Variants in OR5A1 observed in about 807,000 individuals in gnomAD.
OR5A1 encodes olfactory receptor 5A1.
Under a neutral mutation model 6.7 loss-of-function variants are expected in OR5A1, and 6 were observed. The ratio of observed to expected loss-of-function variants is 0.89; its 90% CI spans 0.49 to 1.76. OR5A1 has a LOEUF of 1.76. OR5A1 is among the 40% of genes most tolerant of loss of function. OR5A1 has a pLI of 0.01. For missense variants in OR5A1, 378 were observed against 381.7 expected, an observed-to-expected ratio of 0.99 and a Z score of 0.08; for synonymous variants, 170 against 155.0, an observed-to-expected ratio of 1.10 and a Z score of -0.72.
rs1287188074 is a variant in OR5A1 at position 59,449,897 on chromosome 11, G to T, written c.*5781G>T. The stretch of plus-strand genomic sequence containing the variant: ...AACTGCTATGTTCCAGGTAGGAGCT[G>T]GGGATACAATAGTGACAAAAGAAAT... On this transcript the variant is annotated 3_prime_UTR_variant, in exon 2 of 2. Coordinates refer to ENST00000641045, the MANE Select transcript of OR5A1 (RefSeq NM_001004728.2). The T allele has an allele frequency of 6.6e-6, 1 of 152,112 alleles. No individual in the cohort carries two copies. The highest frequency in any genetic ancestry group is 1.5e-5 in the Non-Finnish European group (1 of 68,020). The allele number at this position is 152,112 out of a possible 1,614,324, so 9.4% of individuals were successfully genotyped here. A position where few individuals can be genotyped will look rare whatever the true frequency, so the allele number is the denominator to read the frequency against.
rs1858592178 is a variant in OR5A1, at chr11:59,449,519, TCCATAAACATTACTAAGCCCCTA to T, written c.*5408_*5430del. ...TAATTTTTCAAAAATTAAAACTCAT[TCCATAAACATTACTAAGCCCCTA>T]CCATGTGTAAAAAAATAATAACTAG... On this transcript the variant is annotated 3_prime_UTR_variant, in exon 2 of 2. Transcript: ENST00000641045. 6.6e-6 allele frequency: 1 copy of T among 152,074 alleles called. No homozygotes were observed. Among genetic ancestry groups the T allele is most frequent in the South Asian group, 2.1e-4 (1 of 4,816 alleles). The allele number at this position is 152,074 out of a possible 1,614,324, so 9.4% of individuals were successfully genotyped here.
chr11:59,442,870 C>T (rs1858495709), intron 1 of OR5A1, among the ~76,000 whole-genome samples: 1 of 152,228 alleles, frequency 6.6e-6, no homozygotes, highest in Non-Finnish European at 1.5e-5. Flanking sequence ...TTAGCTATCT[C>T]ACCCAAAATG....
At position 59,447,574 on chromosome 11, in the gene OR5A1, GAGA is replaced by G. The variant is rs1444217038; in HGVS notation, c.*3461_*3463del. 1 of 152,232 alleles carries G rather than the reference GAGA, an allele frequency of 6.6e-6. No individual in the cohort carries two copies. Among genetic ancestry groups the G allele is most frequent in the Non-Finnish European group, 1.5e-5 (1 of 68,040 alleles). 9.4% of individuals were successfully genotyped at this position (152,232 alleles called of 1,614,324 possible). A position where few individuals can be genotyped will look rare whatever the true frequency, so the allele number is the denominator to read the frequency against. ...ACAAGGGAAATTCAAGAAAGAATATGAGAAGGAGAGATTGTCTGATCCTCACCC... is the reference window on the plus strand; with the variant it reads ...ACAAGGGAAATTCAAGAAAGAATATGAGGAGAGATTGTCTGATCCTCACCC... On this transcript the variant is annotated 3_prime_UTR_variant, in exon 2 of 2. Transcript: ENST00000641045.
chr11:59,444,213 C>A lies in OR5A1; in HGVS notation c.*97C>A. 2 of 802,154 alleles carry A rather than the reference C, an allele frequency of 2.5e-6. No individual in the cohort carries two copies. The highest frequency in any genetic ancestry group is 1.7e-5 in the South Asian group (1 of 59,664). The allele number at this position is 802,154 out of a possible 1,614,324, so 49.7% of individuals were successfully genotyped here. Reference sequence around the variant, plus strand: ...CCTCAGGCAAGGGAGATATTTGGTGCTCTCATTTGTGGAGACTCTTCCCTC... The same window carrying A: ...CCTCAGGCAAGGGAGATATTTGGTGATCTCATTTGTGGAGACTCTTCCCTC... On this transcript the variant is annotated 3_prime_UTR_variant, in exon 2 of 2. Coordinates refer to ENST00000641045, the MANE Select transcript of OR5A1 (RefSeq NM_001004728.2).
rs1256740563 is a variant in OR5A1, at chr11:59,445,847, T to G, written c.*1731T>G. 1 of 152,338 alleles carries G rather than the reference T, an allele frequency of 6.6e-6. No homozygotes were observed. The allele number at this position is 152,338 out of a possible 1,614,324, so 9.4% of individuals were successfully genotyped here. ...TCTGTTCATGTCATTTGCCCACTTTTAGATAGGGTTGTTTGTTTTTTTCTT... is the reference window on the plus strand; with the variant it reads ...TCTGTTCATGTCATTTGCCCACTTTGAGATAGGGTTGTTTGTTTTTTTCTT... On this transcript the variant is annotated 3_prime_UTR_variant, in exon 2 of 2. Coordinates refer to ENST00000641045, the MANE Select transcript of OR5A1 (RefSeq NM_001004728.2).
At chr11:59,438,069 A>G (rs935435424) in intron 1 of OR5A1, among the ~76,000 whole-genome samples, 4 of 152,078 alleles carry the variant, frequency 2.6e-5, no homozygotes, top group African/African-American at 9.7e-5. Flanking sequence ...ACCATATGAG[A>G]TGTCTACTCC....
At chr11:59,440,727 C>T (rs1774947007) in intron 1 of OR5A1, among the ~76,000 whole-genome samples, 1 of 152,278 alleles carries the variant, frequency 6.6e-6, no homozygotes, top group East Asian at 1.9e-4. Context: ...GTTGCACGTT[C>T]CTCTTTTATT....
intron 1 of OR5A1, among the ~76,000 whole-genome samples, chr11:59,437,377 T>C (rs1487136796): frequency 6.6e-6 from 1 of 152,236 alleles, no homozygotes; most frequent in Non-Finnish European, 1.5e-5. Flanking sequence ...ATCTTTTTAC[T>C]GTCTCCATAG....
In OR5A1 at chr11:59,450,177, A is replaced by G. The variant is rs1170238774; in HGVS notation, c.*6061A>G. ...TTTGAACAAGCTAATTCTATGTTCA[A>G]TCATGCAACCCTGAGGTTACAAAAT... On this transcript the variant is annotated 3_prime_UTR_variant, in exon 2 of 2. Transcript: ENST00000641045. The G allele has an allele frequency of 6.6e-6, 1 of 152,216 alleles. No individual in the cohort carries two copies. Among genetic ancestry groups the G allele is most frequent in the Non-Finnish European group, 1.5e-5 (1 of 68,030 alleles). 9.4% of individuals were successfully genotyped at this position (152,216 alleles called of 1,614,324 possible).
rs1394246361 is a variant in OR5A1, at chr11:59,451,175, G to C, written c.*7059G>C. ...TGCCAACAGTGGACTTTTCAACATT[G>C]GTTAATCTTCTAGATGAGAAATGAT... On this transcript the variant is annotated 3_prime_UTR_variant, in exon 2 of 2. Transcript: ENST00000641045. 1 of 152,078 alleles carries C rather than the reference G, an allele frequency of 6.6e-6. No homozygotes were observed. Among genetic ancestry groups the C allele is most frequent in the East Asian group, 1.9e-4 (1 of 5,198 alleles). The allele number at this position is 152,078 out of a possible 1,614,324, so 9.4% of individuals were successfully genotyped here.
Position 59,443,345 on chromosome 11 carries a change from C to T in OR5A1, c.177C>T (p.His59=), listed in dbSNP as rs201897354. ...IFLIRGDTHL[H]TPMYFFLSNL... is the part of the protein sequence containing the mutation. ...TGATCAGAGGTGACACCCATCTGCA[C>T]ACACCCATGTACTTCTTCCTAAGCA... The change falls in exon 2 of 2, where the codon CAC becomes CAT. Residue 59 remains histidine, a synonymous_variant. Coordinates refer to ENST00000641045, the MANE Select transcript of OR5A1 (RefSeq NM_001004728.2). 11 of 1,613,830 alleles carry T rather than the reference C, an allele frequency of 6.8e-6. No individual in the cohort carries two copies. The highest frequency in any genetic ancestry group is 1.3e-5 in the African/African-American group (1 of 74,930).
At chr11:59,437,034 T>C (rs902130091) in intron 1 of OR5A1, among the ~76,000 whole-genome samples, 199 bp downstream of exon 1, 1 of 152,202 alleles carries the variant, frequency 6.6e-6, no homozygotes, top group Admixed American at 6.5e-5. Flanking sequence ...CCTTATTTTT[T>C]AGAGCAATTG....
chr11:59,449,702 T>C lies in OR5A1; in HGVS notation c.*5586T>C, dbSNP rs1858595358. The C allele has an allele frequency of 6.6e-6, 1 of 152,226 alleles. No homozygotes were observed. The highest frequency in any genetic ancestry group is 2.4e-5 in the African/African-American group (1 of 41,468). 9.4% of individuals were successfully genotyped at this position (152,226 alleles called of 1,614,324 possible). A position where few individuals can be genotyped will look rare whatever the true frequency, so the allele number is the denominator to read the frequency against. On this transcript the variant is annotated 3_prime_UTR_variant, in exon 2 of 2. Coordinates refer to ENST00000641045, the MANE Select transcript of OR5A1 (RefSeq NM_001004728.2). ...TTGAAGTTTGCAGTATTCTCTCATA[T>C]GCATTAAGCCATTTAATTGACTTAT...
chr11:59,441,038 A>G (rs1858475982), intron 1 of OR5A1, among the ~76,000 whole-genome samples: 1 of 152,182 alleles, frequency 6.6e-6, no homozygotes, highest in Admixed American at 6.5e-5. Flanking sequence ...TTCCAGGAAA[A>G]AAATATTAAG....
Position 59,444,319 on chromosome 11 carries a change from G to GT in OR5A1, c.*203_*204insT. On this transcript the variant is annotated 3_prime_UTR_variant, in exon 2 of 2. Coordinates refer to ENST00000641045, the MANE Select transcript of OR5A1 (RefSeq NM_001004728.2). ...GCCAAAAAGGGAAGGAATTTCTTCA[G>GT]AAAAAAAAAAAAAAAAAAAAGAACC... The GT allele has an allele frequency of 1.3e-5, 1 of 76,828 alleles. No individual in the cohort carries two copies. The highest frequency in any genetic ancestry group is 1.5e-4 in the Admixed American group (1 of 6,844). The allele number at this position is 76,828 out of a possible 1,614,324, so 4.8% of individuals were successfully genotyped here. A position where few individuals can be genotyped will look rare whatever the true frequency, so the allele number is the denominator to read the frequency against.
chr11:59,439,790 TTCCTCAACC>T (rs1247942008), intron 1 of OR5A1, among the ~76,000 whole-genome samples: 2 of 152,320 alleles, frequency 1.3e-5, no homozygotes, highest in African/African-American at 2.4e-5. Flanking sequence ...AATCATTAAG[TTCCTCAACC>T]TCACTCGTAA....
At chr11:59,439,915 C>T (rs927752220) in intron 1 of OR5A1, among the ~76,000 whole-genome samples, 1 of 152,156 alleles carries the variant, frequency 6.6e-6, no homozygotes, top group East Asian at 1.9e-4. Flanking sequence ...AATTAATGGT[C>T]GGTCCTATCA....
chr11:59,445,282 T>C lies in OR5A1; in HGVS notation c.*1166T>C, dbSNP rs185032188. On this transcript the variant is annotated 3_prime_UTR_variant, in exon 2 of 2. Coordinates refer to ENST00000641045, the MANE Select transcript of OR5A1 (RefSeq NM_001004728.2). ...GATATTTGGTTATCTGTTCTTGGGT[T>C]AGTTTGCTGAGGATAATGGCTTCCA... 118 of 152,278 alleles carry C rather than the reference T, an allele frequency of 7.7e-4. 2 individuals are homozygous for C. The highest frequency in any genetic ancestry group is 2.6e-3 in the African/African-American group (107 of 41,552). 9.4% of individuals were successfully genotyped at this position (152,278 alleles called of 1,614,324 possible). A position where few individuals can be genotyped will look rare whatever the true frequency, so the allele number is the denominator to read the frequency against.
In OR5A1 at chr11:59,436,587, T is replaced by C. The variant is rs993533981; in HGVS notation, c.-282T>C. On this transcript the variant is annotated 5_prime_UTR_variant, in exon 1 of 2. Coordinates refer to ENST00000641045, the MANE Select transcript of OR5A1 (RefSeq NM_001004728.2). ...GATATTAGCTGATGCCAGAAGAGCTTCTTAAAGATTACAACCTCCATCCTT... is the reference window on the plus strand; with the variant it reads ...GATATTAGCTGATGCCAGAAGAGCTCCTTAAAGATTACAACCTCCATCCTT... 1.2e-4 allele frequency: 18 copies of C among 152,192 alleles called. No homozygotes were observed. The highest frequency in any genetic ancestry group is 2.5e-4 in the Non-Finnish European group (17 of 68,042). 9.4% of individuals were successfully genotyped at this position (152,192 alleles called of 1,614,324 possible).
Sources: allele counts gnomAD v4.1 joint callset (sites outside exome capture counted in the v4.1 genomes callset), GRCh38; gene constraint gnomAD v4.1.1; transcripts MANE v1.5; gene names NCBI Gene and HGNC (gene_info 2026-07-23, HGNC 2026-07-21).